The following PTPRT variants were observed in gnomAD, a reference collection of about 807,000 sequenced individuals.
PTPRT encodes the protein protein tyrosine phosphatase receptor type T, also known as receptor-type tyrosine-protein phosphatase T.
In PTPRT, 56 loss-of-function variants were observed where a neutral mutation model predicts 176.8. The ratio of observed to expected loss-of-function variants is 0.32; its 90% CI spans 0.26 to 0.40. The LOEUF is 0.40. Among genes scored for constraint, PTPRT ranks in the 10% least tolerant of loss-of-function variants. The pLI is 1.00. For missense variants in PTPRT, 1,540 were observed against 1,908.2 expected, an observed-to-expected ratio of 0.81 and a Z score of 3.60; for synonymous variants, 783 against 739.0, an observed-to-expected ratio of 1.06 and a Z score of -0.96.
At chr20:42,859,783 G>A (rs900346315) in intron 2 of PTPRT, among the ~76,000 whole-genome samples, 4 of 150,760 alleles carry the variant, frequency 2.7e-5, no homozygotes, top group Non-Finnish European at 4.4e-5. Flanking sequence ...TAGTAGAGAC[G>A]GGGTTTCACT....
intron 9 of PTPRT, among the ~76,000 whole-genome samples, chr20:42,436,292 TA>T: frequency 6.6e-6 from 1 of 152,022 alleles, no homozygotes; most frequent in Non-Finnish European, 1.5e-5. Flanking sequence ...TTAGAAGAAG[TA>T]AAAACAGCAA....
intron 7 of PTPRT, among the ~76,000 whole-genome samples, chr20:42,574,141 G>C (rs2073214556): frequency 6.6e-6 from 1 of 152,184 alleles, no homozygotes. Flanking sequence ...GAGCCAGGCA[G>C]AGCATTTGAC....
At chr20:43,182,705 C>A (rs1451620045) in intron 1 of PTPRT, among the ~76,000 whole-genome samples, 1 of 152,106 alleles carries the variant, frequency 6.6e-6, no homozygotes, top group Non-Finnish European at 1.5e-5. Context: ...GGTTTGCAAA[C>A]ATCTTTTAAG....
chr20:42,651,112 G>A (rs1432892992), intron 7 of PTPRT, among the ~76,000 whole-genome samples: 1 of 152,018 alleles, frequency 6.6e-6, no homozygotes, highest in East Asian at 1.9e-4. Flanking sequence ...ATTATAAAGG[G>A]TTCTATAAAC....
chr20:42,248,999 G>A (rs2056504722), intron 13 of PTPRT, among the ~76,000 whole-genome samples, 177 bp from the exon 14 acceptor site: 2 of 152,218 alleles, frequency 1.3e-5, no homozygotes, highest in African/African-American at 2.4e-5. Context: ...TCCTTGTGAG[G>A]TTGGGATTAT....
At chr20:42,083,683 G>A (rs557888544) in intron 29 of PTPRT, among the ~76,000 whole-genome samples, 1 of 152,348 alleles carries the variant, frequency 6.6e-6, no homozygotes, top group African/African-American at 2.4e-5. Flanking sequence ...GATGTTATCA[G>A]TGCCTCCACT....
intron 5 of PTPRT, among the ~76,000 whole-genome samples, chr20:42,770,415 T>C (rs2077045484): frequency 6.6e-6 from 1 of 152,200 alleles, no homozygotes; most frequent in Admixed American, 6.5e-5. Context: ...TGTGCTAGTA[T>C]TAATGGAAGT....
intron 9 of PTPRT, among the ~76,000 whole-genome samples, chr20:42,384,761 T>C (rs4812593): frequency 0.19 from 29,107 of 152,196 alleles, 3,524 homozygotes; most frequent in East Asian, 0.39. Context: ...CACTTATCTT[T>C]TTGTTTTTAA....
chr20:42,823,625 C>T (rs1020442299), intron 2 of PTPRT, among the ~76,000 whole-genome samples: 8 of 151,956 alleles, frequency 5.3e-5, no homozygotes, highest in Admixed American at 1.3e-4. Flanking sequence ...AGAATAACAG[C>T]GCCCATCTGA....
At chr20:42,565,073 C>T (rs578262274) in intron 7 of PTPRT, among the ~76,000 whole-genome samples, 2 of 152,174 alleles carry the variant, frequency 1.3e-5, no homozygotes, top group African/African-American at 2.4e-5. Flanking sequence ...GGTGTTCTGG[C>T]GCCCCGGGTC....
At chr20:42,755,657 C>T (rs2076820960) in intron 6 of PTPRT, among the ~76,000 whole-genome samples, 1 of 151,932 alleles carries the variant, frequency 6.6e-6, no homozygotes, top group African/African-American at 2.4e-5. Context: ...AACTCTACCC[C>T]CAGGGAATTT....
chr20:42,573,744 TC>T (rs1473898186), intron 7 of PTPRT, among the ~76,000 whole-genome samples: 15 of 121,894 alleles, frequency 1.2e-4, no homozygotes, highest in East Asian at 7.1e-4. Flanking sequence ...ACCCTTTCTT[TC>T]TTTCTTTTTT....
chr20:42,234,818 A>G lies in PTPRT; in HGVS notation c.2342+1411T>C, dbSNP rs113798628. 2.6e-4 allele frequency among the ~76,000 whole-genome samples: 39 copies of G among 152,336 alleles called. 2 individuals carry two copies. The highest frequency in any genetic ancestry group is 9.1e-4 in the African/African-American group (38 of 41,578). ...GATGGGGGCCCATTTGTTCCCATATAACATGAGGGTGGTAGTACCCGTCCT... is the reference window on the plus strand; with the variant it reads ...GATGGGGGCCCATTTGTTCCCATATGACATGAGGGTGGTAGTACCCGTCCT... On this transcript the variant is annotated intron_variant, in intron 15 of 30. Transcript: ENST00000373187.
chr20:42,249,178 C>T (rs768308039), intron 13 of PTPRT, among the ~76,000 whole-genome samples: 3 of 152,096 alleles, frequency 2.0e-5, no homozygotes, highest in Non-Finnish European at 2.9e-5. Flanking sequence ...CCATGGAACA[C>T]TGGGAATTAT....
chr20:42,455,303 G>C (rs1345820974), intron 8 of PTPRT, among the ~76,000 whole-genome samples: 1 of 152,156 alleles, frequency 6.6e-6, no homozygotes, highest in Non-Finnish European at 1.5e-5. Flanking sequence ...ACCACACTGG[G>C]AATAGCACTG....
chr20:42,735,312 T>A lies in PTPRT; in HGVS notation c.859+21150A>T, dbSNP rs150908805. ...GGAGAGGGAAACGGCTTCAGCCAGG[T>A]CAGGCTTGACCCCTGAGCTGTCCTT... On this transcript the variant is annotated intron_variant, in intron 6 of 30. Transcript: ENST00000373187. Among the ~76,000 whole-genome samples the A allele has an allele frequency of 1.9e-4, 29 of 152,192 alleles. 1 individual carries two copies. The highest frequency in any genetic ancestry group is 6.7e-4 in the African/African-American group (28 of 41,540).
chr20:42,451,016 G>A (rs1051945485), intron 8 of PTPRT, among the ~76,000 whole-genome samples: 1 of 152,166 alleles, frequency 6.6e-6, no homozygotes, highest in African/African-American at 2.4e-5. Flanking sequence ...GAAGTTATCA[G>A]GGCAAAATGG....
intron 7 of PTPRT, among the ~76,000 whole-genome samples, chr20:42,634,019 TATAA>T (rs2074512293): frequency 3.5e-5 from 1 of 28,364 alleles, no homozygotes; most frequent in Non-Finnish European, 5.5e-5. Flanking sequence ...ATAATATATA[TATAA>T]TATATATATT....
chr20:43,043,177 G>T (rs1600669721), intron 1 of PTPRT, among the ~76,000 whole-genome samples: 2 of 152,288 alleles, frequency 1.3e-5, no homozygotes. Context: ...CCTGCAAGTT[G>T]AAGTGCTGAT....
Sources: allele counts gnomAD v4.1 joint callset (sites outside exome capture counted in the v4.1 genomes callset), GRCh38; gene constraint gnomAD v4.1.1; transcripts MANE v1.5; gene names NCBI Gene and HGNC (gene_info 2026-07-23, HGNC 2026-07-21).